The following SLC49A4 variants were observed in gnomAD, a reference collection of about 807,000 sequenced individuals.
SLC49A4 encodes disrupted in renal cancer protein 2.
SLC49A4 carries 36 observed loss-of-function variants against 50.6 expected under a neutral mutation model. That is an observed-to-expected ratio of 0.71 (90% CI 0.55 to 0.94). The LOEUF is 0.94. Ranked by LOEUF, SLC49A4 falls within the 40% of genes least tolerant of loss-of-function variation. SLC49A4 has a pLI of 0.00. For missense variants in SLC49A4, 503 were observed against 605.7 expected, an observed-to-expected ratio of 0.83 and a Z score of 1.78; for synonymous variants, 248 against 241.2, an observed-to-expected ratio of 1.03 and a Z score of -0.26.
intron 1 of SLC49A4, among the ~76,000 whole-genome samples, chr3:122,796,289 CTGT>C (rs1936038628): frequency 6.6e-6 from 1 of 152,176 alleles, no homozygotes; most frequent in South Asian, 2.1e-4. Context: ...CCTCAAGAGG[CTGT>C]TGTGCAAGAT....
rs74280586 is a variant in SLC49A4, at chr3:122,850,455, C to T, written c.942+4584C>T. On this transcript the variant is annotated intron_variant, in intron 5 of 8. Transcript: ENST00000261038. ...GCTGCAGCTGCAAAAGCACCTCTGG[C>T]GAGTATTCTCAGGGCAAACAGGAAA... Among the ~76,000 whole-genome samples the T allele has an allele frequency of 1.7e-3, 255 of 151,420 alleles. 8 individuals are homozygous for T. In the East Asian group the frequency reaches 0.043, roughly 26 times the overall value.
intron 7 of SLC49A4, among the ~76,000 whole-genome samples, chr3:122,867,648 C>T (rs1327395049): frequency 6.6e-6 from 1 of 152,184 alleles, no homozygotes; most frequent in Admixed American, 6.5e-5. Context: ...TGTTTTATAA[C>T]CACTGATCCC....
intron 3 of SLC49A4, among the ~76,000 whole-genome samples, chr3:122,829,439 T>A (rs1227803280): frequency 6.6e-6 from 1 of 152,188 alleles, no homozygotes; most frequent in African/African-American, 2.4e-5. Context: ...TCTCTCAACC[T>A]AATAAAAAGC....
chr3:122,808,077 A>G (rs534046143), intron 2 of SLC49A4, among the ~76,000 whole-genome samples: 6 of 152,338 alleles, frequency 3.9e-5, no homozygotes, highest in Admixed American at 3.3e-4. Flanking sequence ...AACAGAATTC[A>G]CTGAGCTTCT....
chr3:122,842,780 C>G (rs1024902355), intron 4 of SLC49A4, among the ~76,000 whole-genome samples: 3 of 152,166 alleles, frequency 2.0e-5, no homozygotes, highest in African/African-American at 7.2e-5. Flanking sequence ...GATCTTCCTT[C>G]TCTATAAAGA....
In SLC49A4 at chr3:122,856,355, G is replaced by A. The variant is rs374521927; in HGVS notation, c.991G>A (p.Val331Ile). ...GFWSIVGGCV[V>I]GIAMARFADF... ...TTGGTCCATAGTTGGAGGCTGTGTTGTTGGAATAGCTATGGCAAGGTGAGA... is the reference window on the plus strand; with the variant it reads ...TTGGTCCATAGTTGGAGGCTGTGTTATTGGAATAGCTATGGCAAGGTGAGA... The change falls in exon 6 of 9, where the codon GTT becomes ATT. Residue 331 changes from valine to isoleucine, a missense_variant. Physicochemically the swap from Val to Ile is conservative, Grantham distance 29. Coordinates refer to ENST00000261038, the MANE Select transcript of SLC49A4 (RefSeq NM_032839.3). 8 of 1,614,006 alleles carry A rather than the reference G, an allele frequency of 5.0e-6. No individual in the cohort carries two copies. In the South Asian group the frequency reaches 7.7e-5, roughly 16 times the overall value.
Position 122,842,578 on chromosome 3 carries a change from C to A in SLC49A4, c.834-3185C>A, listed in dbSNP as rs541450905. ...TAGATTGGGGTCATATTATGACGTACTAATAATTTTGGACTATTCTGTAGG... is the reference window on the plus strand; with the variant it reads ...TAGATTGGGGTCATATTATGACGTAATAATAATTTTGGACTATTCTGTAGG... On this transcript the variant is annotated intron_variant, in intron 4 of 8. Transcript: ENST00000261038. 2.1e-5 allele frequency among the ~76,000 whole-genome samples: 3 copies of A among 145,940 alleles called. No homozygotes were observed. The South Asian group carries it at 6.8e-4, about 33-fold the overall frequency.
rs1937329625 is a variant in SLC49A4 at position 122,880,841 on chromosome 3, C to T, written c.*1463C>T. On this transcript the variant is annotated 3_prime_UTR_variant, in exon 9 of 9. Transcript: ENST00000261038. ...CATGCAGATTCCCAAGTCTGTCTCC[C>T]CTCCCCCTTAGCAAGTACAAGGCTG... is the stretch of plus-strand genomic sequence containing the variant. 6.6e-6 allele frequency: 1 copy of T among 152,480 alleles called. No homozygotes were observed. 9.4% of individuals were successfully genotyped at this position (152,480 alleles called of 1,614,324 possible).
chr3:122,857,949 C>T (rs527859599), intron 6 of SLC49A4, among the ~76,000 whole-genome samples: 1 of 152,236 alleles, frequency 6.6e-6, no homozygotes, highest in African/African-American at 2.4e-5. Flanking sequence ...AGAATGAGGA[C>T]TTTTCTGCTT....
At chr3:122,870,920 C>G (rs958265336) in intron 7 of SLC49A4, among the ~76,000 whole-genome samples, 1 of 151,840 alleles carries the variant, frequency 6.6e-6, no homozygotes, top group Non-Finnish European at 1.5e-5. Context: ...CCCAGATTTC[C>G]TAATGTACCA....
At chr3:122,846,132 G>A (rs1936845943) in intron 5 of SLC49A4, among the ~76,000 whole-genome samples, 2 of 152,146 alleles carry the variant, frequency 1.3e-5, no homozygotes, top group Non-Finnish European at 2.9e-5. Flanking sequence ...GGAAGTCTTA[G>A]TTTTGTTGAC....
chr3:122,801,915 A>G (rs1936139477), intron 1 of SLC49A4, among the ~76,000 whole-genome samples: 1 of 152,214 alleles, frequency 6.6e-6, no homozygotes, highest in Non-Finnish European at 1.5e-5. Context: ...TTAGTCAGAA[A>G]AAATTAGACC....
chr3:122,880,699 T>C lies in SLC49A4; in HGVS notation c.*1321T>C, dbSNP rs992336983. Reference sequence around the variant, plus strand: ...TGTCAGCTAAGTATATATACTTTTGTGTTTTCCTGGACAGAGTGCAAGTGG... The same window carrying C: ...TGTCAGCTAAGTATATATACTTTTGCGTTTTCCTGGACAGAGTGCAAGTGG... On this transcript the variant is annotated 3_prime_UTR_variant, in exon 9 of 9. Coordinates refer to ENST00000261038, the MANE Select transcript of SLC49A4 (RefSeq NM_032839.3). 84 of 152,400 alleles carry C rather than the reference T, an allele frequency of 5.5e-4. No homozygotes were observed. The highest frequency in any genetic ancestry group is 1.8e-3 in the African/African-American group (76 of 41,588). The allele number at this position is 152,400 out of a possible 1,614,324, so 9.4% of individuals were successfully genotyped here. A position where few individuals can be genotyped will look rare whatever the true frequency, so the allele number is the denominator to read the frequency against.
chr3:122,831,972 A>C (rs1049604497), intron 3 of SLC49A4, among the ~76,000 whole-genome samples: 4 of 151,960 alleles, frequency 2.6e-5, no homozygotes, highest in Non-Finnish European at 4.4e-5. Context: ...ACACCAAAAA[A>C]AAAAAGAAAG....
Position 122,872,499 on chromosome 3 carries a change from T to C in SLC49A4, c.1223T>C (p.Val408Ala), listed in dbSNP as rs1015626868. ...TTTTTTGAGCTTTTTGTGGAAACTGTCTACCCAGTTCCAGAAGGAATTACT... is the reference window on the plus strand; with the variant it reads ...TTTTTTGAGCTTTTTGTGGAAACTGCCTACCCAGTTCCAGAAGGAATTACT... ...PIFFELFVET[V>A]YPVPEGITCG... is the part of the protein sequence containing the mutation. Residue 408 changes from valine to alanine, a missense_variant, in exon 8 of 9, where the codon GTC becomes GCC. By Grantham distance (64) the Val-to-Ala change is moderately conservative (BLOSUM62 0). Coordinates refer to ENST00000261038, the MANE Select transcript of SLC49A4 (RefSeq NM_032839.3). 16 of 1,613,402 alleles carry C rather than the reference T, an allele frequency of 9.9e-6. No individual in the cohort carries two copies. Among genetic ancestry groups the C allele is most frequent in the African/African-American group, 1.3e-5 (1 of 75,054 alleles).
In SLC49A4 at chr3:122,845,851, AC is replaced by A; in HGVS notation, c.923del (p.Thr308AsnfsTer8). The A allele has an allele frequency of 6.2e-7, 1 of 1,610,930 alleles. No homozygotes were observed. Among genetic ancestry groups the A allele is most frequent in the East Asian group, 2.2e-5 (1 of 44,712 alleles). ...GTCTGGAGTTCTGGACTTAATTTTAACACCAGCGCATGTCAGCCAAGTAAGT... is the reference window on the plus strand; with the variant it reads ...GTCTGGAGTTCTGGACTTAATTTTAAACCAGCGCATGTCAGCCAAGTAAGT... The part of the protein sequence containing the change: ...GWSGVLDLIL[T>X]PAHVSQVDAG... On this transcript the variant is annotated frameshift_variant, in exon 5 of 9. Transcript: ENST00000261038. LOFTEE classifies it high-confidence loss of function.
chr3:122,828,816 A>G (rs893204248), intron 3 of SLC49A4, among the ~76,000 whole-genome samples: 1 of 152,244 alleles, frequency 6.6e-6, no homozygotes, highest in South Asian at 2.1e-4. Flanking sequence ...CAGGTGAAAC[A>G]TAAGTTTTAA....
chr3:122,847,657 TA>T (rs1232790844), intron 5 of SLC49A4, among the ~76,000 whole-genome samples: 1 of 151,666 alleles, frequency 6.6e-6, no homozygotes, highest in Non-Finnish European at 1.5e-5. Context: ...GTATACAATT[TA>T]AAAAAAAGTG....
intron 7 of SLC49A4, among the ~76,000 whole-genome samples, chr3:122,864,443 T>A (rs1046468448): frequency 1.3e-5 from 2 of 152,236 alleles, no homozygotes; most frequent in African/African-American, 4.8e-5. Flanking sequence ...ACTGAACAGA[T>A]GAATGCTTTG....
Sources: allele counts gnomAD v4.1 joint callset (sites outside exome capture counted in the v4.1 genomes callset), GRCh38; gene constraint gnomAD v4.1.1; transcripts MANE v1.5; gene names NCBI Gene and HGNC (gene_info 2026-07-23, HGNC 2026-07-21).